Variants in ENTREP2 observed in about 807,000 individuals in gnomAD.
ENTREP2 encodes the protein protein ENTREP2.
At chr15:29,544,362 G>A in the ENTREP2 span, among the ~76,000 whole-genome samples, 1 of 152,180 alleles carries the variant, frequency 6.6e-6, no homozygotes, top group African/African-American at 2.4e-5. Context: ...ATAGGAAAAT[G>A]TTGAAGGGGT....
the ENTREP2 span, among the ~76,000 whole-genome samples, chr15:29,465,629 C>G: frequency 6.6e-6 from 1 of 152,210 alleles, no homozygotes; most frequent in Non-Finnish European, 1.5e-5. Context: ...GGCTTCCTGA[C>G]TCTGAGTCTT....
At chr15:29,443,532 T>C in the ENTREP2 span, among the ~76,000 whole-genome samples, 1 of 152,026 alleles carries the variant, frequency 6.6e-6, no homozygotes, top group African/African-American at 2.4e-5. Context: ...CTGGTGGGTG[T>C]TTCTCGCCCA....
the ENTREP2 span, among the ~76,000 whole-genome samples, chr15:29,148,575 G>GT: frequency 1.3e-5 from 2 of 152,106 alleles, no homozygotes; most frequent in African/African-American, 2.4e-5. Flanking sequence ...ATACTGTATT[G>GT]TTTTTTATTT....
the ENTREP2 span, among the ~76,000 whole-genome samples, chr15:29,528,346 A>AC: frequency 4.7e-4 from 72 of 152,070 alleles, no homozygotes; most frequent in Non-Finnish European, 9.9e-4. Flanking sequence ...GACCAAAAAA[A>AC]AAAAAAAATA....
chr15:29,304,946 C>T, the ENTREP2 span, among the ~76,000 whole-genome samples: 19,195 of 152,146 alleles, frequency 0.13, 1,623 homozygotes, highest in African/African-American at 0.24. Context: ...TGTCACCATC[C>T]TATTTACAAT....
chr15:29,544,267 T>C, the ENTREP2 span, among the ~76,000 whole-genome samples: 66,134 of 151,924 alleles, frequency 0.44, 15,223 homozygotes, highest in African/African-American at 0.6. Context: ...TTAATTGATA[T>C]TTGGAGCAGA....
At chr15:29,207,234 G>A in the ENTREP2 span, among the ~76,000 whole-genome samples, 1 of 152,160 alleles carries the variant, frequency 6.6e-6, no homozygotes, top group Non-Finnish European at 1.5e-5. Context: ...CACACTAGGC[G>A]TGGAAGCATT....
the ENTREP2 span, among the ~76,000 whole-genome samples, chr15:29,153,894 C>A: frequency 6.6e-6 from 1 of 152,294 alleles, no homozygotes; most frequent in Non-Finnish European, 1.5e-5. Flanking sequence ...GCAGCCTCGA[C>A]CTTCTGGGCT....
chr15:29,195,025 C>T, the ENTREP2 span: 13 of 760,714 alleles, frequency 1.7e-5, no homozygotes, highest in Non-Finnish European at 2.1e-5. Flanking sequence ...TGAAAGGCCA[C>T]AGCAGACCTC....
At chr15:29,437,651 C>A in the ENTREP2 span, among the ~76,000 whole-genome samples, 14 of 152,276 alleles carry the variant, frequency 9.2e-5, no homozygotes, top group South Asian at 2.9e-3. Flanking sequence ...CTCAGCAGTT[C>A]ATTAGCTTTT....
At chr15:29,617,480 T>G in the ENTREP2 span, among the ~76,000 whole-genome samples, 1 of 152,222 alleles carries the variant, frequency 6.6e-6, no homozygotes, top group Admixed American at 6.5e-5. Context: ...CCAGAAAGAC[T>G]GCTCTACAGG....
At chr15:29,424,097 T>G in the ENTREP2 span, among the ~76,000 whole-genome samples, 1 of 152,320 alleles carries the variant, frequency 6.6e-6, no homozygotes, top group South Asian at 2.1e-4. Flanking sequence ...TCCCACGGGT[T>G]TGTGCTCTCA....
At chr15:29,403,239 T>C in the ENTREP2 span, among the ~76,000 whole-genome samples, 4 of 152,128 alleles carry the variant, frequency 2.6e-5, no homozygotes, top group Admixed American at 2.0e-4. Flanking sequence ...CAGACATAAA[T>C]GCAAGCTACA....
the ENTREP2 span, among the ~76,000 whole-genome samples, chr15:29,463,934 G>A: frequency 5.2e-4 from 79 of 152,280 alleles, no homozygotes; most frequent in Non-Finnish European, 9.0e-4. Flanking sequence ...AGGATGTTAC[G>A]CTGAGTGAAA....
At chr15:29,529,372 T>C in the ENTREP2 span, among the ~76,000 whole-genome samples, 18 of 151,886 alleles carry the variant, frequency 1.2e-4, no homozygotes, top group Non-Finnish European at 5.9e-5. Flanking sequence ...ATTGGTGCCA[T>C]TGGTGAGGCA....
chr15:29,492,015 AT>A, the ENTREP2 span, among the ~76,000 whole-genome samples: 1 of 152,042 alleles, frequency 6.6e-6, no homozygotes, highest in Admixed American at 6.5e-5. Context: ...GCAAGGCCCA[AT>A]CTGTCAAAGC....
chr15:29,483,539 T>C, the ENTREP2 span, among the ~76,000 whole-genome samples: 3 of 152,260 alleles, frequency 2.0e-5, no homozygotes, highest in African/African-American at 7.2e-5. Context: ...CTCTAGCTGT[T>C]CCAGCCCCAT....
chr15:29,144,927 A>C, the ENTREP2 span, among the ~76,000 whole-genome samples: 2 of 152,094 alleles, frequency 1.3e-5, no homozygotes, highest in African/African-American at 4.8e-5. Context: ...GTGGTGGCAT[A>C]CATCTGTAAT....
chr15:29,196,871 A>C, the ENTREP2 span, among the ~76,000 whole-genome samples: 1 of 152,252 alleles, frequency 6.6e-6, no homozygotes, highest in Non-Finnish European at 1.5e-5. Context: ...AAAGTCACTC[A>C]TGCTGATGTA....
Sources: allele counts gnomAD v4.1 joint callset (sites outside exome capture counted in the v4.1 genomes callset), GRCh38; gene constraint gnomAD v4.1.1; transcripts MANE v1.5; gene names NCBI Gene and HGNC (gene_info 2026-07-23, HGNC 2026-07-21).